The following ZBTB16 variants were observed in gnomAD, a reference collection of about 807,000 sequenced individuals.
ZBTB16 encodes zinc finger and BTB domain containing 16.
Under a neutral mutation model 56.8 loss-of-function variants are expected in ZBTB16, and 8 were observed. The ratio of observed to expected loss-of-function variants is 0.14; its 90% CI spans 0.08 to 0.25. The LOEUF is 0.25. Among genes scored for constraint, ZBTB16 ranks in the 10% least tolerant of loss-of-function variants. The probability of loss-of-function intolerance (pLI) is 1.00; values close to 1 mark genes in which losing one functional copy is unlikely to be tolerated. For synonymous variants in ZBTB16, 363 were observed against 368.5 expected (o/e 0.98, Z 0.17); for missense variants, 625 against 903.0 (o/e 0.69, Z 3.95).
At chr11:114,203,529 G>T (rs1349053593) in intron 4 of ZBTB16, among the ~76,000 whole-genome samples, 2 of 151,984 alleles carry the variant, frequency 1.3e-5, no homozygotes, top group Non-Finnish European at 2.9e-5. Flanking sequence ...CTCCAGGCTG[G>T]GTAACAGAGC....
At chr11:114,238,894 C>T (rs796956891) in intron 4 of ZBTB16, among the ~76,000 whole-genome samples, 25 of 152,252 alleles carry the variant, frequency 1.6e-4, no homozygotes, top group African/African-American at 5.8e-4. Flanking sequence ...AAAAGCCTAA[C>T]TCAAAATCTC....
At chr11:114,116,663 G>A (rs1424694735) in intron 2 of ZBTB16, among the ~76,000 whole-genome samples, 2 of 152,160 alleles carry the variant, frequency 1.3e-5, no homozygotes, top group African/African-American at 4.8e-5. Flanking sequence ...ATGGTGAGGC[G>A]TAATGCGTTC....
At chr11:114,121,215 C>A (rs776122071) in intron 2 of ZBTB16, among the ~76,000 whole-genome samples, 2 of 152,158 alleles carry the variant, frequency 1.3e-5, no homozygotes, top group Non-Finnish European at 2.9e-5. Flanking sequence ...TTTGCGATTT[C>A]TGTGGTGTAG....
chr11:114,158,881 G>A (rs940690642), intron 3 of ZBTB16, among the ~76,000 whole-genome samples: 8 of 152,216 alleles, frequency 5.3e-5, no homozygotes, highest in African/African-American at 1.7e-4. Context: ...CTGGGATGCC[G>A]ATGAACAGGG....
At chr11:114,080,919 G>C (rs1939735522) in intron 2 of ZBTB16, among the ~76,000 whole-genome samples, 1 of 152,124 alleles carries the variant, frequency 6.6e-6, no homozygotes. Flanking sequence ...TTGCAGGCGT[G>C]GGCTCTCAAT....
At chr11:114,111,411 T>C (rs912460565) in intron 2 of ZBTB16, among the ~76,000 whole-genome samples, 8 of 152,200 alleles carry the variant, frequency 5.3e-5, no homozygotes, top group African/African-American at 1.9e-4. Context: ...CTTTTCTTTC[T>C]CTTTCACATT....
Position 114,087,162 on chromosome 11 carries a change from A to G in ZBTB16, c.1268+22594A>G, listed in dbSNP as rs535321115. ...GCTGGTAGTTTCTCTTCTCACGGGA[A>G]AGATGGTGGTTGTTCATCGATGTCT... is the stretch of plus-strand genomic sequence containing the variant. On this transcript the variant is annotated intron_variant, in intron 2 of 6. Transcript: ENST00000335953. Among the ~76,000 whole-genome samples the G allele has an allele frequency of 1.1e-4, 16 of 152,260 alleles. No individual in the cohort carries two copies. The South Asian group carries it at 3.1e-3, about 30-fold the overall frequency.
At chr11:114,178,721 G>A (rs1300176387) in intron 3 of ZBTB16, among the ~76,000 whole-genome samples, 4 of 152,142 alleles carry the variant, frequency 2.6e-5, no homozygotes, top group African/African-American at 9.7e-5. Context: ...TAAGAGACAA[G>A]GGCACCATGC....
At chr11:114,209,340 C>T in intron 4 of ZBTB16, 2 of 977,812 alleles carry the variant, frequency 2.0e-6, no homozygotes, top group Non-Finnish European at 2.4e-6. Context: ...TGTTACTAAT[C>T]CCGTTCCTTT....
chr11:114,163,561 G>A (rs1451907923), intron 3 of ZBTB16, among the ~76,000 whole-genome samples: 1 of 152,074 alleles, frequency 6.6e-6, no homozygotes, highest in Non-Finnish European at 1.5e-5. Flanking sequence ...GCGTGCCTGG[G>A]TCCCCCGGTC....
chr11:114,174,538 G>A (rs745433497), intron 3 of ZBTB16, among the ~76,000 whole-genome samples: 2 of 152,110 alleles, frequency 1.3e-5, no homozygotes, highest in Admixed American at 6.5e-5. Context: ...ACAATTAGCC[G>A]GGCGTGGTGG....
intron 4 of ZBTB16, among the ~76,000 whole-genome samples, chr11:114,235,647 TTTC>T: frequency 4.5e-5 from 1 of 22,076 alleles, no homozygotes; most frequent in Non-Finnish European, 1.3e-4. Context: ...TCTTTCTTTC[TTTC>T]TTTCTTTCTT....
intron 2 of ZBTB16, among the ~76,000 whole-genome samples, chr11:114,117,964 A>C (rs968816975): frequency 6.6e-6 from 1 of 151,962 alleles, no homozygotes; most frequent in Non-Finnish European, 1.5e-5. Flanking sequence ...TGAGCTATAA[A>C]CTCTTCCCTT....
chr11:114,208,647 C>T (rs1453228737), intron 4 of ZBTB16, among the ~76,000 whole-genome samples: 1 of 152,210 alleles, frequency 6.6e-6, no homozygotes, highest in Non-Finnish European at 1.5e-5. Flanking sequence ...CACAGCCTCC[C>T]ATCCCAGCTT....
At chr11:114,144,147 AT>A (rs1942035469) in intron 2 of ZBTB16, among the ~76,000 whole-genome samples, 2 of 150,450 alleles carry the variant, frequency 1.3e-5, no homozygotes, top group Non-Finnish European at 3.0e-5. Context: ...CATGCACACA[AT>A]CCCCTTTCTC....
chr11:114,179,479 A>G (rs1943195638), intron 3 of ZBTB16, among the ~76,000 whole-genome samples: 1 of 152,292 alleles, frequency 6.6e-6, no homozygotes, highest in African/African-American at 2.4e-5. Flanking sequence ...CTGACAGCTT[A>G]TGCTTTTTTT....
chr11:114,252,167 G>A lies in ZBTB16; in HGVS notation c.*1612G>A, dbSNP rs906234848. Among the ~76,000 whole-genome samples, 3 of 152,022 alleles carry A rather than the reference G, an allele frequency of 2.0e-5. No homozygotes were observed. Among genetic ancestry groups the A allele is most frequent in the Admixed American group, 1.3e-4 (2 of 15,274 alleles). On this transcript the variant is annotated 3_prime_UTR_variant, in exon 7 of 7. Coordinates refer to ENST00000335953, the MANE Select transcript of ZBTB16 (RefSeq NM_006006.6). ...GTCTCATGGTCCCCAGAGGGCACTAGGGAGTCACTTTTGGCTCCGCTGGTG... is the reference window on the plus strand; with the variant it reads ...GTCTCATGGTCCCCAGAGGGCACTAAGGAGTCACTTTTGGCTCCGCTGGTG...
At chr11:114,154,736 G>A (rs1038164059) in intron 2 of ZBTB16, among the ~76,000 whole-genome samples, 3 of 152,208 alleles carry the variant, frequency 2.0e-5, no homozygotes, top group African/African-American at 4.8e-5. Flanking sequence ...ATAAGGGTGT[G>A]TGTGTGTGTG....
chr11:114,120,374 C>A (rs1377151703), intron 2 of ZBTB16, among the ~76,000 whole-genome samples: 1 of 152,100 alleles, frequency 6.6e-6, no homozygotes, highest in African/African-American at 2.4e-5. Context: ...AGCGAGTTTT[C>A]CCTTCCACCA....
Sources: gnomAD v4.1 joint callset for allele counts (sites outside exome capture counted in the v4.1 genomes callset) on GRCh38, gnomAD v4.1.1 for gene constraint, MANE v1.5 for transcripts, NCBI Gene and HGNC (gene_info 2026-07-23, HGNC 2026-07-21) for gene names.